The following SPAG16 variants were observed in gnomAD, a reference collection of about 807,000 sequenced individuals.
SPAG16 encodes sperm-associated antigen 16 protein.
SPAG16 carries 86 observed loss-of-function variants against 80.4 expected under a neutral mutation model. The observed-to-expected ratio is 1.07, with a 90% CI of 0.90 to 1.28. The LOEUF (loss-of-function observed/expected upper bound fraction) is 1.28, where lower values mean the gene tolerates loss of function less well. Among genes scored for constraint, SPAG16 ranks in the 50% most tolerant of loss-of-function variants. SPAG16 has a pLI of 0.00. For synonymous variants in SPAG16, 294 were observed against 265.9 expected (o/e 1.11, Z -1.03); for missense variants, 870 against 765.3 (o/e 1.14, Z -1.61).
At chr2:214,328,645 T>C (rs1007861011) in intron 15 of SPAG16, among the ~76,000 whole-genome samples, 4 of 152,228 alleles carry the variant, frequency 2.6e-5, no homozygotes, top group African/African-American at 9.6e-5. Context: ...TATCTATCTT[T>C]AAATCTATTA....
At chr2:213,579,409 A>G (rs1277531323) in intron 10 of SPAG16, among the ~76,000 whole-genome samples, 1 of 152,098 alleles carries the variant, frequency 6.6e-6, no homozygotes, top group Non-Finnish European at 1.5e-5. Context: ...TTATAACAAT[A>G]GTTACTTCTA....
At chr2:213,954,762 C>G (rs1402299055) in intron 12 of SPAG16, among the ~76,000 whole-genome samples, 1 of 152,152 alleles carries the variant, frequency 6.6e-6, no homozygotes, top group Non-Finnish European at 1.5e-5. Flanking sequence ...ATTTTTATTC[C>G]TACCAGCAGT....
intron 5 of SPAG16, among the ~76,000 whole-genome samples, chr2:213,318,882 T>C (rs2063509653): frequency 6.6e-6 from 1 of 151,958 alleles, no homozygotes. Flanking sequence ...AAAAGAAAAT[T>C]ACTGAAAGGA....
At chr2:213,574,036 C>G (rs1395302547) in intron 10 of SPAG16, among the ~76,000 whole-genome samples, 1 of 151,956 alleles carries the variant, frequency 6.6e-6, no homozygotes, top group African/African-American at 2.4e-5. Flanking sequence ...CTGCTAGTAC[C>G]CAGACTATAA....
chr2:213,381,974 G>A (rs1206234020), intron 9 of SPAG16, among the ~76,000 whole-genome samples: 1 of 151,968 alleles, frequency 6.6e-6, no homozygotes, highest in African/African-American at 2.4e-5. Context: ...TGGAAGACTT[G>A]TAATCCAGTG....
intron 10 of SPAG16, among the ~76,000 whole-genome samples, chr2:213,583,136 A>G (rs1177514565): frequency 3.9e-5 from 6 of 152,162 alleles, no homozygotes; most frequent in African/African-American, 9.7e-5. Flanking sequence ...AAAAGTATAT[A>G]TAGTATATTG....
At chr2:214,139,263 T>A (rs942594036) in intron 14 of SPAG16, among the ~76,000 whole-genome samples, 4 of 152,124 alleles carry the variant, frequency 2.6e-5, no homozygotes, top group African/African-American at 4.8e-5. Flanking sequence ...CAGTGAACAT[T>A]AAGTCCTTCA....
At chr2:213,738,606 C>T (rs2067402841) in intron 10 of SPAG16, among the ~76,000 whole-genome samples, 2 of 152,066 alleles carry the variant, frequency 1.3e-5, no homozygotes, top group African/African-American at 2.4e-5. Flanking sequence ...ACAGAGGTGC[C>T]ATAAGACATT....
At chr2:214,386,505 T>A (rs1700761210) in intron 15 of SPAG16, among the ~76,000 whole-genome samples, 1 of 152,082 alleles carries the variant, frequency 6.6e-6, no homozygotes, top group Non-Finnish European at 1.5e-5. Context: ...ACAAAGTTTA[T>A]CAAATAGATA....
intron 15 of SPAG16, among the ~76,000 whole-genome samples, chr2:214,408,516 T>C (rs1195343180): frequency 6.6e-6 from 1 of 152,218 alleles, no homozygotes; most frequent in Non-Finnish European, 1.5e-5. Context: ...CCAGTAGTTA[T>C]AAAGGTTTGC....
intron 13 of SPAG16, among the ~76,000 whole-genome samples, chr2:214,018,579 GCTT>G (rs1451270720): frequency 6.6e-6 from 1 of 152,094 alleles, no homozygotes. Flanking sequence ...ATACTGGCAT[GCTT>G]CTTCTTTATA....
chr2:213,857,272 ATAT>A (rs2105928774), intron 10 of SPAG16, among the ~76,000 whole-genome samples: 1 of 152,308 alleles, frequency 6.6e-6, no homozygotes, highest in South Asian at 2.1e-4. Flanking sequence ...TTGGAAGAAC[ATAT>A]TATTTAAAAC....
At chr2:213,443,111 C>T (rs114838247) in intron 9 of SPAG16, among the ~76,000 whole-genome samples, 285 of 152,152 alleles carry the variant, frequency 1.9e-3, no homozygotes, top group Non-Finnish European at 3.4e-3. Flanking sequence ...AAAATGATTA[C>T]TACAGTAAAG....
chr2:213,697,731 C>T (rs181396635), intron 10 of SPAG16, among the ~76,000 whole-genome samples: 6 of 152,292 alleles, frequency 3.9e-5, no homozygotes, highest in Admixed American at 1.3e-4. Context: ...ATACAGTCCA[C>T]TACTTCATTC....
At chr2:213,729,763 A>C (rs1001810292) in intron 10 of SPAG16, among the ~76,000 whole-genome samples, 1 of 152,230 alleles carries the variant, frequency 6.6e-6, no homozygotes, top group African/African-American at 2.4e-5. Context: ...ATGGCAAGCA[A>C]AGACATTTGT....
intron 15 of SPAG16, among the ~76,000 whole-genome samples, chr2:214,162,333 TC>T (rs35966826): frequency 1.3e-5 from 2 of 152,116 alleles, no homozygotes; most frequent in East Asian, 3.9e-4. Flanking sequence ...TGTTTAACAT[TC>T]CATTGACCAT....
intron 15 of SPAG16, among the ~76,000 whole-genome samples, chr2:214,314,860 G>A (rs747564694): frequency 2.6e-5 from 4 of 152,042 alleles, no homozygotes; most frequent in Non-Finnish European, 4.4e-5. Context: ...ACTCATGCAT[G>A]AGGAAAGAAT....
chr2:213,749,526 G>A (rs144129562), intron 10 of SPAG16, among the ~76,000 whole-genome samples: 90 of 152,244 alleles, frequency 5.9e-4, no homozygotes, highest in African/African-American at 2.1e-3. Flanking sequence ...GAAAAGCTAC[G>A]TTAAATCTCT....
intron 12 of SPAG16, among the ~76,000 whole-genome samples, chr2:213,968,119 C>T (rs1383767481): frequency 7.1e-6 from 1 of 141,688 alleles, no homozygotes; most frequent in East Asian, 2.1e-4. Context: ...TTTCCTCCCT[C>T]CCTCTCTCTT....
Sources: gnomAD v4.1 joint callset for allele counts (sites outside exome capture counted in the v4.1 genomes callset) on GRCh38, gnomAD v4.1.1 for gene constraint, MANE v1.5 for transcripts, NCBI Gene and HGNC (gene_info 2026-07-23, HGNC 2026-07-21) for gene names.